The following SOX6 variants were observed in gnomAD, a reference collection of about 807,000 sequenced individuals.
The protein encoded by SOX6 is SRY-box transcription factor 6, also known as transcription factor SOX-6.
Under a neutral mutation model 97.8 loss-of-function variants are expected in SOX6, and 11 were observed. That is an observed-to-expected ratio of 0.11 (90% CI 0.07 to 0.19). SOX6 has a LOEUF of 0.19. SOX6 is among the 10% of genes least tolerant of loss of function. The pLI is 1.00. For synonymous variants in SOX6, 360 were observed against 371.4 expected (o/e 0.97, Z 0.35); for missense variants, 810 against 1,039.5 (o/e 0.78, Z 3.04).
At chr11:15,999,880 C>T (rs1302840640) in intron 13 of SOX6, among the ~76,000 whole-genome samples, 2 of 152,018 alleles carry the variant, frequency 1.3e-5, no homozygotes, top group African/African-American at 2.4e-5. Context: ...TTGATAGTCC[C>T]TTACTTGGGT....
intron 12 of SOX6, among the ~76,000 whole-genome samples, chr11:16,029,273 A>G (rs1564914898): frequency 6.6e-6 from 1 of 152,208 alleles, no homozygotes; most frequent in East Asian, 1.9e-4. Context: ...TTCTGCCCAG[A>G]TAAGGAGAAA....
chr11:16,441,021 C>T (rs1859493729), intron 1 of SOX6, among the ~76,000 whole-genome samples: 1 of 152,112 alleles, frequency 6.6e-6, no homozygotes, highest in Non-Finnish European at 1.5e-5. Context: ...GGATTTTTAA[C>T]TATTCATGAA....
intron 9 of SOX6, among the ~76,000 whole-genome samples, chr11:16,085,944 C>G (rs753912199): frequency 1.1e-4 from 16 of 152,254 alleles, no homozygotes; most frequent in African/African-American, 3.6e-4. Context: ...TAAAGGGAAA[C>G]AGTAAAAGCC....
chr11:16,552,867 A>T (rs1001511371), intron 4 of SOX6, among the ~76,000 whole-genome samples: 1 of 152,224 alleles, frequency 6.6e-6, no homozygotes, highest in African/African-American at 2.4e-5. Context: ...TAAATATTAC[A>T]TAAGTCTGAC....
At chr11:16,554,304 G>T (rs1847727634) in intron 4 of SOX6, among the ~76,000 whole-genome samples, 1 of 152,090 alleles carries the variant, frequency 6.6e-6, no homozygotes, top group Non-Finnish European at 1.5e-5. Context: ...TAGTCTGGGA[G>T]GGCAATGCAT....
At chr11:16,707,715 T>C (rs1040658428) in intron 3 of SOX6, among the ~76,000 whole-genome samples, 2 of 152,182 alleles carry the variant, frequency 1.3e-5, no homozygotes, top group African/African-American at 2.4e-5. Context: ...CACTGTGCTA[T>C]AATGAGTGAA....
intron 2 of SOX6, among the ~76,000 whole-genome samples, chr11:16,728,787 G>C (rs1196446661): frequency 6.6e-6 from 1 of 152,178 alleles, no homozygotes; most frequent in East Asian, 1.9e-4. Flanking sequence ...ACTCCTCCGA[G>C]CTAAAGGAGG....
intron 4 of SOX6, among the ~76,000 whole-genome samples, chr11:16,518,353 G>A (rs1334370871): frequency 6.6e-6 from 1 of 152,102 alleles, no homozygotes; most frequent in Non-Finnish European, 1.5e-5. Flanking sequence ...CCTCCACGAA[G>A]CCCTCCTGAA....
At chr11:16,521,081 C>G (rs1009481173) in intron 4 of SOX6, among the ~76,000 whole-genome samples, 1 of 152,208 alleles carries the variant, frequency 6.6e-6, no homozygotes, top group Non-Finnish European at 1.5e-5. Flanking sequence ...ACAGCAGTAA[C>G]CTCTGCAGAC....
intron 15 of SOX6, among the ~76,000 whole-genome samples, chr11:15,977,825 C>T (rs1048941551): frequency 1.3e-5 from 2 of 152,016 alleles, no homozygotes; most frequent in African/African-American, 4.8e-5. Context: ...ACCTTCTTAA[C>T]TTTCCTCAAA....
At chr11:16,586,175 T>C (rs1351136330) in intron 4 of SOX6, among the ~76,000 whole-genome samples, 3 of 152,160 alleles carry the variant, frequency 2.0e-5, no homozygotes, top group Non-Finnish European at 2.9e-5. Flanking sequence ...GGCTGCTCAC[T>C]GTCTACTGCA....
intron 9 of SOX6, among the ~76,000 whole-genome samples, chr11:16,092,307 C>A (rs1590191033): frequency 2.6e-5 from 4 of 151,900 alleles, no homozygotes. Context: ...AAAAGAATAA[C>A]CCTATTATTT....
At chr11:16,061,514 G>T (rs964924701) in intron 9 of SOX6, among the ~76,000 whole-genome samples, 1 of 151,514 alleles carries the variant, frequency 6.6e-6, no homozygotes, top group African/African-American at 2.4e-5. Context: ...AAATACCAAT[G>T]TCATTTTTAA....
chr11:16,370,362 G>C (rs1857469285), intron 1 of SOX6, among the ~76,000 whole-genome samples: 1 of 152,078 alleles, frequency 6.6e-6, no homozygotes, highest in African/African-American at 2.4e-5. Context: ...GACTAGACAT[G>C]GCTATATCTG....
chr11:16,392,842 C>T (rs762245876), intron 1 of SOX6, among the ~76,000 whole-genome samples: 69 of 152,032 alleles, frequency 4.5e-4, no homozygotes, highest in Non-Finnish European at 8.4e-4. Flanking sequence ...ATTGGCTTCA[C>T]ATAATAGAGG....
chr11:16,332,614 G>A (rs150010560), intron 2 of SOX6, among the ~76,000 whole-genome samples: 1 of 152,036 alleles, frequency 6.6e-6, no homozygotes, highest in Admixed American at 6.6e-5. Context: ...TAAATGAAAT[G>A]CATAAATATT....
At chr11:16,651,801 G>C (rs1019584015) in intron 3 of SOX6, among the ~76,000 whole-genome samples, 4 of 152,050 alleles carry the variant, frequency 2.6e-5, no homozygotes, top group Admixed American at 6.6e-5. Flanking sequence ...AAGAAATAAA[G>C]GGCATCCAAA....
chr11:16,103,042 A>C (rs1848987957), intron 7 of SOX6, among the ~76,000 whole-genome samples: 1 of 152,098 alleles, frequency 6.6e-6, no homozygotes, highest in Non-Finnish European at 1.5e-5. Flanking sequence ...TAATTAAACT[A>C]AAAAGCTTCT....
chr11:16,050,482 G>A (rs573026975), intron 10 of SOX6, among the ~76,000 whole-genome samples: 2 of 152,282 alleles, frequency 1.3e-5, no homozygotes, highest in African/African-American at 4.8e-5. Context: ...CTTTCTGGGT[G>A]TGGGCACTCT....
Sources: gnomAD v4.1 joint callset for allele counts (sites outside exome capture counted in the v4.1 genomes callset) on GRCh38, gnomAD v4.1.1 for gene constraint, MANE v1.5 for transcripts, NCBI Gene and HGNC (gene_info 2026-07-23, HGNC 2026-07-21) for gene names.